MEGF10: variants seen among roughly 807,000 people sequenced by gnomAD.
The protein encoded by MEGF10 is multiple epidermal growth factor-like domains protein 10.
In MEGF10, 86 loss-of-function variants were observed where a neutral mutation model predicts 147.5. That is an observed-to-expected ratio of 0.58 (90% confidence interval 0.49 to 0.70). The LOEUF (loss-of-function observed/expected upper bound fraction) is 0.70, where lower values mean the gene tolerates loss of function less well. Among genes scored for constraint, MEGF10 ranks in the 30% least tolerant of loss-of-function variants. The probability of loss-of-function intolerance (pLI) is 0.00; values close to 1 mark genes in which losing one functional copy is unlikely to be tolerated. For synonymous variants in MEGF10, 478 were observed against 525.5 expected (o/e 0.91, Z 1.24); for missense variants, 1,329 against 1,487.3 (o/e 0.89, Z 1.75).
intron 4 of MEGF10, among the ~76,000 whole-genome samples, chr5:127,341,036 C>T (rs550693243): frequency 6.6e-6 from 1 of 152,254 alleles, no homozygotes; most frequent in South Asian, 2.1e-4. Flanking sequence ...TTTTCTGGTG[C>T]ACAGAATGAT....
At chr5:127,322,837 C>G (rs956888235) in intron 1 of MEGF10, among the ~76,000 whole-genome samples, 5 of 152,018 alleles carry the variant, frequency 3.3e-5, no homozygotes, top group Non-Finnish European at 7.4e-5. Flanking sequence ...TGTCCTTATT[C>G]TTAGGAAATG....
At chr5:127,266,789 T>G in the MEGF10 span, among the ~76,000 whole-genome samples, 1 of 152,222 alleles carries the variant, frequency 6.6e-6, no homozygotes, top group Non-Finnish European at 1.5e-5. Context: ...GAGACTTCGC[T>G]GAAGTTGCTT....
the MEGF10 span, among the ~76,000 whole-genome samples, chr5:127,249,185 T>C: frequency 2.0e-5 from 3 of 152,120 alleles, no homozygotes; most frequent in East Asian, 5.8e-4. Flanking sequence ...ATAGTAAAAA[T>C]GACAATAGCA....
chr5:127,439,667 A>T (rs1402204935), intron 17 of MEGF10, among the ~76,000 whole-genome samples: 4 of 152,168 alleles, frequency 2.6e-5, no homozygotes, highest in Non-Finnish European at 5.9e-5. Flanking sequence ...ACCCTTTTTC[A>T]AGTGCAAGTA....
At chr5:127,304,785 G>A (rs565497907) in intron 1 of MEGF10, among the ~76,000 whole-genome samples, 3 of 152,316 alleles carry the variant, frequency 2.0e-5, no homozygotes, top group South Asian at 2.1e-4. Flanking sequence ...GTGATCCACT[G>A]CAACTGGCCT....
At chr5:127,265,016 T>C in the MEGF10 span, among the ~76,000 whole-genome samples, 7,632 of 152,108 alleles carry the variant, frequency 0.05, 323 homozygotes, top group African/African-American at 0.11. Flanking sequence ...GTGCTGCACC[T>C]ATTAACTTGT....
At chr5:127,254,845 A>G in the MEGF10 span, among the ~76,000 whole-genome samples, 2 of 151,406 alleles carry the variant, frequency 1.3e-5, no homozygotes, top group Non-Finnish European at 2.9e-5. Flanking sequence ...ATTGATATTG[A>G]TATCGTAATC....
At chr5:127,417,894 T>C (rs975213601) in intron 10 of MEGF10, 82 bp downstream of exon 10, 1 of 1,381,944 alleles carries the variant, frequency 7.2e-7, no homozygotes, top group Admixed American at 2.6e-5. Flanking sequence ...TGACCTCCAG[T>C]GAAATACAGT....
intron 13 of MEGF10, among the ~76,000 whole-genome samples, chr5:127,423,669 C>A (rs1389870934): frequency 6.6e-6 from 1 of 152,040 alleles, no homozygotes; most frequent in South Asian, 2.1e-4. Context: ...ATTTATTGGT[C>A]ATCTCTATTA....
chr5:127,267,169 A>T, the MEGF10 span, among the ~76,000 whole-genome samples: 1 of 152,232 alleles, frequency 6.6e-6, no homozygotes, highest in Non-Finnish European at 1.5e-5. Context: ...TTCTGCATCT[A>T]TTGAGATAAT....
rs541924756 is a variant in MEGF10 at position 127,349,399 on chromosome 5, A to G, written c.319+8769A>G. The stretch of plus-strand genomic sequence containing the variant: ...CATTTTAACTATTTTTAAGTGTACC[A>G]TTCAGCAGTATTAAATATAGTCCCA... On this transcript the variant is annotated intron_variant, in intron 4 of 24. Transcript: ENST00000503335. Among the ~76,000 whole-genome samples the G allele has an allele frequency of 1.9e-3, 296 of 152,306 alleles. 1 individual carries two copies. The highest frequency in any genetic ancestry group is 3.6e-3 in the Non-Finnish European group (243 of 68,010).
intron 1 of MEGF10, among the ~76,000 whole-genome samples, chr5:127,293,294 G>A (rs916177658): frequency 1.3e-5 from 2 of 152,090 alleles, no homozygotes; most frequent in East Asian, 1.9e-4. Flanking sequence ...TAACAACATC[G>A]ATAATTAATG....
At chr5:127,350,016 TA>T (rs1762033338) in intron 4 of MEGF10, among the ~76,000 whole-genome samples, 1 of 152,184 alleles carries the variant, frequency 6.6e-6, no homozygotes, top group Admixed American at 6.6e-5. Context: ...GAAAATCTTA[TA>T]AGATGTGTGG....
intron 4 of MEGF10, among the ~76,000 whole-genome samples, chr5:127,354,118 G>C (rs1375478748): frequency 1.3e-5 from 2 of 152,228 alleles, no homozygotes; most frequent in Non-Finnish European, 2.9e-5. Flanking sequence ...TGAACCGGCT[G>C]TGGGCAGATA....
At position 127,310,042 on chromosome 5, in the gene MEGF10, C is replaced by A. The variant is rs572148961; in HGVS notation, c.-19+18986C>A. Among the ~76,000 whole-genome samples, 252 of 87,224 alleles carry A rather than the reference C, an allele frequency of 2.9e-3. 60 individuals carry two copies. Among genetic ancestry groups the A allele is most frequent in the African/African-American group, 9.2e-3 (171 of 18,658 alleles). 57.2% of individuals were successfully genotyped at this position (87,224 alleles called of 152,430 possible). A position where few individuals can be genotyped will look rare whatever the true frequency, so the allele number is the denominator to read the frequency against. On this transcript the variant is annotated intron_variant, in intron 1 of 24. Transcript: ENST00000503335. ...TTTTTCTTTCTTTCTTTCCTTCTTT[C>A]TTTATTTCTTTCTTTCTTTCTTTCT...
At chr5:127,314,787 G>A (rs569310466) in intron 1 of MEGF10, among the ~76,000 whole-genome samples, 1 of 152,252 alleles carries the variant, frequency 6.6e-6, no homozygotes, top group South Asian at 2.1e-4. Context: ...TATTCTTCAT[G>A]TATGGTTTAC....
chr5:127,271,656 G>A, the MEGF10 span, among the ~76,000 whole-genome samples: 1 of 152,026 alleles, frequency 6.6e-6, no homozygotes, highest in African/African-American at 2.4e-5. Flanking sequence ...CTGATAGTGA[G>A]TGAGTTCTTA....
At position 127,310,026 on chromosome 5, in the gene MEGF10, CT is replaced by C. The variant is rs1202069408; in HGVS notation, c.-19+18973del. ...CCTTCCTTCCTTTCTTTTTTTCTTT[CT>C]TTCTTTCCTTCTTTCTTTATTTCTT... is the stretch of plus-strand genomic sequence containing the variant. On this transcript the variant is annotated intron_variant, in intron 1 of 24. Coordinates refer to ENST00000503335, the MANE Select transcript of MEGF10 (RefSeq NM_001256545.2). Among the ~76,000 whole-genome samples, 442 of 81,684 alleles carry C rather than the reference CT, an allele frequency of 5.4e-3. 100 individuals are homozygous for C. Among genetic ancestry groups the C allele is most frequent in the African/African-American group, 0.018 (407 of 22,972 alleles). 53.6% of individuals were successfully genotyped at this position (81,684 alleles called of 152,430 possible).
At chr5:127,243,125 G>A in the MEGF10 span, among the ~76,000 whole-genome samples, 3 of 152,182 alleles carry the variant, frequency 2.0e-5, no homozygotes, top group African/African-American at 7.2e-5. Flanking sequence ...TTCCTGCAGA[G>A]AGATAATATT....
Sources: allele counts gnomAD v4.1 joint callset (sites outside exome capture counted in the v4.1 genomes callset), GRCh38; gene constraint gnomAD v4.1.1; transcripts MANE v1.5; gene names NCBI Gene and HGNC (gene_info 2026-07-23, HGNC 2026-07-21).